Variants in CTNNA2 observed in about 807,000 individuals in gnomAD.
The protein encoded by CTNNA2 is catenin alpha 2.
In CTNNA2, 42 loss-of-function variants were observed where a neutral mutation model predicts 101.0. The observed-to-expected ratio is 0.42, with a 90% CI of 0.32 to 0.54. The LOEUF (loss-of-function observed/expected upper bound fraction) is 0.54, where lower values mean the gene tolerates loss of function less well. Among genes scored for constraint, CTNNA2 ranks in the 20% least tolerant of loss-of-function variants. The pLI, the probability that CTNNA2 is intolerant of heterozygous loss-of-function variation, is 0.14. For synonymous variants in CTNNA2, 450 were observed against 456.4 expected, an observed-to-expected ratio of 0.99 and a Z score of 0.18; for missense variants, 871 against 1,223.1, an observed-to-expected ratio of 0.71 and a Z score of 4.29.
chr2:79,390,013 C>T (rs1678154545), intron 4 of CTNNA2, among the ~76,000 whole-genome samples: 1 of 152,016 alleles, frequency 6.6e-6, no homozygotes, highest in African/African-American at 2.4e-5. Flanking sequence ...CCAGCAAAAC[C>T]ATTCTTTCTC....
At chr2:80,262,153 T>C (rs183145073) in intron 7 of CTNNA2, among the ~76,000 whole-genome samples, 32 of 152,208 alleles carry the variant, frequency 2.1e-4, no homozygotes, top group African/African-American at 7.0e-4. Context: ...TATTAACATT[T>C]TGGTGCCTGT....
At chr2:80,021,671 A>G (rs764807149) in intron 7 of CTNNA2, among the ~76,000 whole-genome samples, 1 of 152,190 alleles carries the variant, frequency 6.6e-6, no homozygotes, top group African/African-American at 2.4e-5. Context: ...ACATTATGGA[A>G]TGACTACAGC....
At chr2:79,224,105 T>C (rs188333477) in intron 2 of CTNNA2, among the ~76,000 whole-genome samples, 1 of 152,342 alleles carries the variant, frequency 6.6e-6, no homozygotes, top group African/African-American at 2.4e-5. Context: ...TATCAATTTC[T>C]TTTCAAATTT....
In CTNNA2 at chr2:80,625,913, GTTAAATTTTCAGATATA is replaced by G. The variant is rs562457628; in HGVS notation, c.2574+6691_2574+6707del. Among the ~76,000 whole-genome samples, 216 of 152,022 alleles carry G rather than the reference GTTAAATTTTCAGATATA, an allele frequency of 1.4e-3. 2 individuals are homozygous for G. The highest frequency in any genetic ancestry group is 4.8e-3 in the African/African-American group (200 of 41,498). On this transcript the variant is annotated intron_variant, in intron 18 of 18. Coordinates refer to ENST00000402739, the MANE Select transcript of CTNNA2 (RefSeq NM_001282597.3). ...ACTTAATTTCTTTATAATTTACTCT[GTTAAATTTTCAGATATA>G]TTAAACCCTTTTTAAGAAAAGATTA...
chr2:80,638,847 G>C (rs1038076332), intron 18 of CTNNA2, among the ~76,000 whole-genome samples: 1 of 152,176 alleles, frequency 6.6e-6, no homozygotes, highest in African/African-American at 2.4e-5. Flanking sequence ...AGTTGAGAAA[G>C]TTACCAAAGA....
At chr2:79,935,596 G>A (rs1370759321) in intron 7 of CTNNA2, among the ~76,000 whole-genome samples, 1 of 152,080 alleles carries the variant, frequency 6.6e-6, no homozygotes, top group Non-Finnish European at 1.5e-5. Context: ...ATGCTCTAGT[G>A]AAATTCTACA....
intron 7 of CTNNA2, among the ~76,000 whole-genome samples, chr2:80,069,157 A>G (rs1258917823): frequency 6.6e-6 from 1 of 152,202 alleles, no homozygotes; most frequent in East Asian, 1.9e-4. Context: ...GCTTGAGAAG[A>G]GAGAGAGAAT....
At chr2:80,209,178 G>A (rs1707727335) in intron 7 of CTNNA2, among the ~76,000 whole-genome samples, 1 of 151,018 alleles carries the variant, frequency 6.6e-6, no homozygotes, top group South Asian at 2.1e-4. Flanking sequence ...GCCTTTCAGA[G>A]TATGTTTATT....
chr2:79,851,080 A>G (rs944739684), intron 3 of CTNNA2, among the ~76,000 whole-genome samples: 2 of 152,074 alleles, frequency 1.3e-5, no homozygotes, highest in African/African-American at 2.4e-5. Flanking sequence ...ACATTATCCA[A>G]CTCTGCCTGA....
At chr2:79,969,288 A>G (rs780032064) in intron 7 of CTNNA2, among the ~76,000 whole-genome samples, 3 of 152,348 alleles carry the variant, frequency 2.0e-5, no homozygotes, top group Non-Finnish European at 2.9e-5. Context: ...TGGGGGAACA[A>G]CAAACTAAGC....
chr2:80,570,164 T>A (rs1222971897), intron 12 of CTNNA2, among the ~76,000 whole-genome samples: 1 of 152,160 alleles, frequency 6.6e-6, no homozygotes, highest in Non-Finnish European at 1.5e-5. Flanking sequence ...TTCTCATGCC[T>A]CAGCCTCTCG....
At chr2:79,219,677 A>G (rs887079697) in intron 2 of CTNNA2, among the ~76,000 whole-genome samples, 1 of 152,224 alleles carries the variant, frequency 6.6e-6, no homozygotes, top group African/African-American at 2.4e-5. Context: ...TTCGTGGATC[A>G]TAAAAGCTCA....
intron 2 of CTNNA2, among the ~76,000 whole-genome samples, chr2:79,655,215 G>A (rs1023426607): frequency 2.6e-5 from 4 of 152,122 alleles, no homozygotes; most frequent in African/African-American, 7.2e-5. Context: ...TAGCCTTGGA[G>A]TTTACACTTA....
At chr2:79,642,445 C>A (rs73938749) in intron 1 of CTNNA2, among the ~76,000 whole-genome samples, 21,869 of 152,148 alleles carry the variant, frequency 0.14, 1,997 homozygotes, top group East Asian at 0.36. Flanking sequence ...ATCTTGGATC[C>A]CCTCTCAGTT....
intron 2 of CTNNA2, among the ~76,000 whole-genome samples, chr2:79,308,929 A>G (rs1298969467): frequency 6.6e-6 from 1 of 152,012 alleles, no homozygotes; most frequent in Non-Finnish European, 1.5e-5. Context: ...TCTTTCAGAT[A>G]CAATCTAATT....
At chr2:80,517,707 A>G (rs947798823) in intron 9 of CTNNA2, among the ~76,000 whole-genome samples, 2 of 152,220 alleles carry the variant, frequency 1.3e-5, no homozygotes, top group Non-Finnish European at 2.9e-5. Context: ...CTGCCACAAA[A>G]TGGTGCTCAG....
chr2:79,983,910 C>A (rs941720392), intron 7 of CTNNA2, among the ~76,000 whole-genome samples: 1 of 151,992 alleles, frequency 6.6e-6, no homozygotes, highest in African/African-American at 2.4e-5. Flanking sequence ...AAAATATAAT[C>A]CAAATTGCAC....
chr2:80,116,549 G>T (rs563453083), intron 7 of CTNNA2, among the ~76,000 whole-genome samples: 1 of 152,170 alleles, frequency 6.6e-6, no homozygotes, highest in East Asian at 1.9e-4. Context: ...TGTTAGCATT[G>T]GCAGAAATGA....
chr2:80,335,880 C>G (rs568837009), intron 7 of CTNNA2, among the ~76,000 whole-genome samples: 1 of 152,156 alleles, frequency 6.6e-6, no homozygotes, highest in Admixed American at 6.5e-5. Context: ...GCTGGGGAAA[C>G]CAAGACCCAG....
Sources: allele counts gnomAD v4.1 joint callset (sites outside exome capture counted in the v4.1 genomes callset), GRCh38; gene constraint gnomAD v4.1.1; transcripts MANE v1.5; gene names NCBI Gene and HGNC (gene_info 2026-07-23, HGNC 2026-07-21).